CLSTN2: variants seen among roughly 807,000 people sequenced by gnomAD.
The protein encoded by CLSTN2 is calsyntenin 2.
A neutral mutation model predicts 101.2 loss-of-function variants in CLSTN2; 48 were observed. The ratio of observed to expected loss-of-function variants is 0.47; its 90% CI spans 0.38 to 0.60. CLSTN2 has a LOEUF of 0.60. Ranked by LOEUF, CLSTN2 falls within the 20% of genes least tolerant of loss-of-function variation. The probability of loss-of-function intolerance (pLI) is 0.00; values close to 1 mark genes in which losing one functional copy is unlikely to be tolerated. For missense variants in CLSTN2, 1,160 were observed against 1,238.2 expected (o/e 0.94, Z 0.95); for synonymous variants, 481 against 463.6 (o/e 1.04, Z -0.48).
At chr3:140,095,821 A>G (rs1039117577) in intron 1 of CLSTN2, among the ~76,000 whole-genome samples, 2 of 152,134 alleles carry the variant, frequency 1.3e-5, no homozygotes, top group Non-Finnish European at 2.9e-5. Context: ...GTTTTCAAGG[A>G]CGGTGACAGC....
chr3:139,963,104 AG>A (rs540388963), intron 1 of CLSTN2, among the ~76,000 whole-genome samples: 154 of 152,212 alleles, frequency 1.0e-3, no homozygotes, highest in African/African-American at 3.6e-3. Flanking sequence ...GAGGAGGAGG[AG>A]GGGGGCAGAG....
At chr3:140,021,385 A>C (rs2007312824) in intron 1 of CLSTN2, among the ~76,000 whole-genome samples, 1 of 152,196 alleles carries the variant, frequency 6.6e-6, no homozygotes, top group Admixed American at 6.5e-5. Flanking sequence ...GCAGAGCAGG[A>C]CTGTCAACGT....
At chr3:140,432,551 C>T (rs11923323) in intron 5 of CLSTN2, among the ~76,000 whole-genome samples, 23,773 of 152,098 alleles carry the variant, frequency 0.16, 2,394 homozygotes, top group South Asian at 0.31. Context: ...CGGAGGGCCT[C>T]GTGGGGGCAC....
chr3:140,507,906 A>G (rs543659201), intron 8 of CLSTN2: 17 of 152,302 alleles, frequency 1.1e-4, no homozygotes, highest in African/African-American at 3.6e-4. Context: ...TAGATGAAGA[A>G]ACTACACTCA....
Position 140,096,866 on chromosome 3 carries a change from G to A in CLSTN2, c.110-79085G>A, listed in dbSNP as rs187006722. Reference sequence around the variant, plus strand: ...TCCCCTTGGAATTAGGGTTCCGTGTGAAGAGACATGAAAGAGGCAGTAGGC... The same window carrying A: ...TCCCCTTGGAATTAGGGTTCCGTGTAAAGAGACATGAAAGAGGCAGTAGGC... On this transcript the variant is annotated intron_variant, in intron 1 of 16. Coordinates refer to ENST00000458420, the MANE Select transcript of CLSTN2 (RefSeq NM_022131.3). Among the ~76,000 whole-genome samples the A allele has an allele frequency of 6.5e-4, 99 of 152,338 alleles. 2 individuals carry two copies. In the Middle Eastern group the frequency reaches 0.014, roughly 21 times the overall value.
chr3:140,068,646 C>G (rs4318517), intron 1 of CLSTN2, among the ~76,000 whole-genome samples: 16,307 of 152,230 alleles, frequency 0.11, 1,325 homozygotes, highest in East Asian at 0.28. Flanking sequence ...GACAAGATGA[C>G]CAATTCCTGA....
chr3:140,307,567 C>T (rs1441445098), intron 2 of CLSTN2, among the ~76,000 whole-genome samples: 1 of 152,186 alleles, frequency 6.6e-6, no homozygotes, highest in Non-Finnish European at 1.5e-5. Flanking sequence ...ATCTTAATGA[C>T]TTTGGAGGCG....
At chr3:140,326,923 C>A (rs565408384) in intron 2 of CLSTN2, among the ~76,000 whole-genome samples, 50 of 152,182 alleles carry the variant, frequency 3.3e-4, no homozygotes, top group African/African-American at 1.2e-3. Context: ...TATATCTGAC[C>A]TTTTATCCAT....
intron 1 of CLSTN2, among the ~76,000 whole-genome samples, chr3:140,134,430 C>T (rs553960839): frequency 6.6e-6 from 1 of 152,198 alleles, no homozygotes; most frequent in South Asian, 2.1e-4. Context: ...ATCTCCAACC[C>T]CCACCCCACC....
At chr3:140,494,921 C>T (rs1934432099) in intron 8 of CLSTN2, among the ~76,000 whole-genome samples, 2 of 152,134 alleles carry the variant, frequency 1.3e-5, no homozygotes, top group African/African-American at 2.4e-5. Context: ...CTGCAATGAA[C>T]ATATATGTGC....
chr3:140,222,324 G>T (rs2086281726), intron 2 of CLSTN2, among the ~76,000 whole-genome samples: 1 of 152,216 alleles, frequency 6.6e-6, no homozygotes. Context: ...GGGAAGGGTA[G>T]TGAGGGATGG....
intron 1 of CLSTN2, among the ~76,000 whole-genome samples, chr3:140,107,184 T>G (rs1298357635): frequency 2.0e-5 from 3 of 152,212 alleles, no homozygotes; most frequent in Non-Finnish European, 4.4e-5. Context: ...TCCTCTATGT[T>G]GACATCTGCT....
intron 2 of CLSTN2, among the ~76,000 whole-genome samples, chr3:140,326,645 C>A (rs978021259): frequency 1.3e-5 from 2 of 152,184 alleles, no homozygotes; most frequent in African/African-American, 4.8e-5. Flanking sequence ...ACCTGAGAGA[C>A]AGCATTCTCC....
At chr3:140,352,339 C>T (rs1260536067) in intron 2 of CLSTN2, among the ~76,000 whole-genome samples, 1 of 152,186 alleles carries the variant, frequency 6.6e-6, no homozygotes, top group Non-Finnish European at 1.5e-5. Context: ...CCCTATTGCT[C>T]AGTTTCTTCC....
chr3:140,449,292 G>A (rs1292935946), intron 6 of CLSTN2: 1 of 152,246 alleles, frequency 6.6e-6, no homozygotes, highest in Non-Finnish European at 1.5e-5. Context: ...GGTTGTTACT[G>A]ACAAAGCTGG....
chr3:140,341,411 A>T (rs1307695680), intron 2 of CLSTN2, among the ~76,000 whole-genome samples: 1 of 152,218 alleles, frequency 6.6e-6, no homozygotes. Flanking sequence ...TATCCGGCAG[A>T]GCAACTTCCA....
At chr3:140,135,115 C>CATATATATAT (rs1560105560) in intron 1 of CLSTN2, among the ~76,000 whole-genome samples, 4 of 52,050 alleles carry the variant, frequency 7.7e-5, no homozygotes, top group African/African-American at 3.9e-4. Context: ...CACACACACA[C>CATATATATAT]ACATATATAT....
intron 1 of CLSTN2, among the ~76,000 whole-genome samples, chr3:140,088,156 T>C (rs777128538): frequency 6.6e-6 from 1 of 152,130 alleles, no homozygotes; most frequent in Non-Finnish European, 1.5e-5. Context: ...GATGCAAACA[T>C]AATCACTTGG....
chr3:140,426,330 A>G (rs1269244783), intron 5 of CLSTN2, among the ~76,000 whole-genome samples: 1 of 152,038 alleles, frequency 6.6e-6, no homozygotes, highest in Non-Finnish European at 1.5e-5. Context: ...CCCTGTGTCC[A>G]TGTGTTCTCA....
Sources: allele counts gnomAD v4.1 joint callset (sites outside exome capture counted in the v4.1 genomes callset), GRCh38; gene constraint gnomAD v4.1.1; transcripts MANE v1.5; gene names NCBI Gene and HGNC (gene_info 2026-07-23, HGNC 2026-07-21).